Variants in CEP70 observed in about 807,000 individuals in gnomAD.
CEP70 encodes the protein centrosomal protein of 70 kDa.
In CEP70, 70 loss-of-function variants were observed where a neutral mutation model predicts 90.9. That is an observed-to-expected ratio of 0.77 (90% CI 0.64 to 0.94). The LOEUF (loss-of-function observed/expected upper bound fraction) is 0.94. Ranked by LOEUF, CEP70 falls within the 40% of genes least tolerant of loss-of-function variation. The pLI, the probability that CEP70 is intolerant of heterozygous loss-of-function variation, is 0.00. For synonymous variants in CEP70, 220 were observed against 228.3 expected, an observed-to-expected ratio of 0.96 and a Z score of 0.33; for missense variants, 648 against 669.0, an observed-to-expected ratio of 0.97 and a Z score of 0.35.
At chr3:138,559,915 GA>G (rs1317341470) in intron 6 of CEP70, among the ~76,000 whole-genome samples, 1 of 152,160 alleles carries the variant, frequency 6.6e-6, no homozygotes, top group Non-Finnish European at 1.5e-5. Flanking sequence ...TATACCCAGT[GA>G]AAATATTCAT....
At chr3:138,570,705 T>C (rs377445457) in intron 5 of CEP70, among the ~76,000 whole-genome samples, 5 of 152,224 alleles carry the variant, frequency 3.3e-5, no homozygotes, top group African/African-American at 1.2e-4. Context: ...ATCTCAAATC[T>C]GAAAATCCAA....
chr3:138,520,888 C>T (rs1204327489), intron 11 of CEP70, among the ~76,000 whole-genome samples: 4 of 152,140 alleles, frequency 2.6e-5, no homozygotes, highest in African/African-American at 4.8e-5. Flanking sequence ...GCCGCGATCT[C>T]GGCTCACTGC....
intron 16 of CEP70, 22 bp downstream of exon 16, chr3:138,500,088 T>C: frequency 1.3e-6 from 2 of 1,507,266 alleles, no homozygotes; most frequent in Non-Finnish European, 1.8e-6. Flanking sequence ...GATGATACTT[T>C]GTAAACTTTT....
At chr3:138,531,425 T>A (rs2037802676) in intron 8 of CEP70, 1 of 152,176 alleles carries the variant, frequency 6.6e-6, no homozygotes, top group African/African-American at 2.4e-5. Flanking sequence ...CAGGCTATAT[T>A]CAGCAGGCTG....
At chr3:138,561,299 G>T (rs2040390500) in intron 6 of CEP70, among the ~76,000 whole-genome samples, 1 of 152,120 alleles carries the variant, frequency 6.6e-6, no homozygotes, top group African/African-American at 2.4e-5. Context: ...CAGCAGAGGG[G>T]CCTGACTGTT....
At chr3:138,553,476 T>A (rs1259808834) in intron 6 of CEP70, among the ~76,000 whole-genome samples, 2 of 145,560 alleles carry the variant, frequency 1.4e-5, no homozygotes, top group Non-Finnish European at 3.0e-5. Context: ...AGAGACTCCA[T>A]CTCAAAAAGA....
chr3:138,523,466 C>G (rs1192042039), intron 11 of CEP70, among the ~76,000 whole-genome samples: 1 of 152,000 alleles, frequency 6.6e-6, no homozygotes, highest in Non-Finnish European at 1.5e-5. Context: ...GATTGTATAT[C>G]TAGAAAACCC....
At chr3:138,519,175 G>A (rs1306430219) in intron 11 of CEP70, among the ~76,000 whole-genome samples, 1 of 152,176 alleles carries the variant, frequency 6.6e-6, no homozygotes, top group South Asian at 2.1e-4. Context: ...AGAAACATGG[G>A]ACTATGTGAA....
At position 138,536,467 on chromosome 3, in the gene CEP70, G is replaced by A. The variant is rs970790543; in HGVS notation, c.635+711C>T. ...TAATTTGGTGACGCAAACACACAGA[G>A]AAACAAGTATTTCAAGATATTTTAG... On this transcript the variant is annotated intron_variant, in intron 7 of 17. Transcript: ENST00000264982. 3.3e-5 allele frequency among the ~76,000 whole-genome samples: 5 copies of A among 151,924 alleles called. No homozygotes were observed. The East Asian group carries it at 9.6e-4, about 29-fold the overall frequency.
At chr3:138,538,905 T>G (rs1217938854) in intron 6 of CEP70, among the ~76,000 whole-genome samples, 1 of 152,208 alleles carries the variant, frequency 6.6e-6, no homozygotes, top group African/African-American at 2.4e-5. Flanking sequence ...TAATCTGTTG[T>G]CATATAATTG....
intron 3 of CEP70, 57 bp from the exon 4 acceptor site, chr3:138,571,413 T>A (rs1560437850): frequency 8.5e-7 from 1 of 1,173,068 alleles, no homozygotes; most frequent in Non-Finnish European, 1.2e-6. Flanking sequence ...GAAGAAATTC[T>A]CTCATATATA....
At chr3:138,565,135 C>T (rs959947884) in intron 6 of CEP70, among the ~76,000 whole-genome samples, 3 of 152,102 alleles carry the variant, frequency 2.0e-5, no homozygotes, top group Non-Finnish European at 4.4e-5. Flanking sequence ...ATACAACTTA[C>T]AAGAGATGTA....
intron 8 of CEP70, among the ~76,000 whole-genome samples, chr3:138,529,838 T>C (rs1327117617): frequency 6.6e-6 from 1 of 152,162 alleles, no homozygotes; most frequent in Non-Finnish European, 1.5e-5. Flanking sequence ...CCACATACTA[T>C]TTTTTCCTTC....
chr3:138,513,437 C>T, intron 11 of CEP70, among the ~76,000 whole-genome samples: 1 of 152,164 alleles, frequency 6.6e-6, no homozygotes, highest in East Asian at 1.9e-4. Context: ...CACTCTGACT[C>T]AGTACTTTTC....
rs150815526 is a variant in CEP70, at chr3:138,557,970, A to C, written c.465+12348T>G. On this transcript the variant is annotated intron_variant, in intron 6 of 17. Transcript: ENST00000264982. ...ATAGACTAGGTAATTCAGACCAATT[A>C]TCTTACTGAGAAAAACTTTAAAAAG... Among the ~76,000 whole-genome samples the C allele has an allele frequency of 5.6e-3, 858 of 152,336 alleles. 6 individuals are homozygous for C. Among genetic ancestry groups the C allele is most frequent in the African/African-American group, 0.02 (826 of 41,580 alleles).
rs200302654 is a variant in CEP70, at chr3:138,525,516, C to T, written c.918G>A (p.Leu306=). 2.8e-5 allele frequency: 40 copies of T among 1,419,592 alleles called. No homozygotes were observed. In the African/African-American group the frequency reaches 5.4e-4, roughly 19 times the overall value. 87.9% of individuals were successfully genotyped at this position (1,419,592 alleles called of 1,614,324 possible). A position where few individuals can be genotyped will look rare whatever the true frequency, so the allele number is the denominator to read the frequency against. ...LRLYKQQVKK[L]EKALKKNVKL... is the part of the protein sequence containing the mutation. Reference sequence around the variant, plus strand: ...TGACGTTTTTCTTAAGGGCTTTTTCCAGCTTCTTCACCTGCTGTTTATAAA... The same window carrying T: ...TGACGTTTTTCTTAAGGGCTTTTTCTAGCTTCTTCACCTGCTGTTTATAAA... The change falls in exon 11 of 18, where the codon CTG becomes CTA. Residue 306 remains leucine, a synonymous_variant. Transcript: ENST00000264982.
Position 138,572,861 on chromosome 3 carries a change from G to C in CEP70, c.67C>G (p.Gln23Glu), listed in dbSNP as rs753326074. 6.3e-7 allele frequency: 1 copy of C among 1,588,268 alleles called. No individual in the cohort carries two copies. Among genetic ancestry groups the C allele is most frequent in the Non-Finnish European group, 8.6e-7 (1 of 1,157,256 alleles). ...QPSDRLMTEK[Q>E]QEEAEWESIN... ...GTCTTAAAATATTTTAAGTTTACCT[G>C]TTTTTCAGTCATGAGTCTGTCTGAT... Residue 23 changes from glutamine to glutamate, a missense_variant and splice_region_variant, in exon 3 of 18, where the codon CAG becomes GAG. Coordinates refer to ENST00000264982, the MANE Select transcript of CEP70 (RefSeq NM_024491.4).
intron 7 of CEP70, among the ~76,000 whole-genome samples, chr3:138,533,747 T>C (rs569493209): frequency 2.0e-5 from 3 of 152,294 alleles, no homozygotes; most frequent in South Asian, 2.1e-4. Context: ...TTTTACCATA[T>C]ACACTTTCAT....
chr3:138,520,569 G>C (rs2108784530), intron 11 of CEP70, among the ~76,000 whole-genome samples: 1 of 152,236 alleles, frequency 6.6e-6, no homozygotes, highest in South Asian at 2.1e-4. Context: ...TGAACAACCT[G>C]CTCCTGAATG....
Sources: allele counts gnomAD v4.1 joint callset (sites outside exome capture counted in the v4.1 genomes callset), GRCh38; gene constraint gnomAD v4.1.1; transcripts MANE v1.5; gene names NCBI Gene and HGNC (gene_info 2026-07-23, HGNC 2026-07-21).